The following CADPS2 variants were observed in gnomAD, a reference collection of about 807,000 sequenced individuals.
CADPS2 encodes calcium-dependent secretion activator 2.
Under a neutral mutation model 172.5 loss-of-function variants are expected in CADPS2, and 93 were observed. The observed-to-expected ratio is 0.54, with a 90% CI of 0.46 to 0.64. The LOEUF is 0.64. CADPS2 is among the 30% of genes least tolerant of loss of function. The pLI is 0.00. For missense variants in CADPS2, 1,420 were observed against 1,565.9 expected (o/e 0.91, Z 1.57); for synonymous variants, 546 against 555.2 (o/e 0.98, Z 0.23).
intron 2 of CADPS2, among the ~76,000 whole-genome samples, chr7:122,669,648 C>A (rs2081578697): frequency 1.3e-5 from 2 of 151,852 alleles, no homozygotes; most frequent in East Asian, 3.9e-4. Context: ...CAACGAAAGG[C>A]CCACAATCAT....
intron 2 of CADPS2, among the ~76,000 whole-genome samples, chr7:122,726,376 T>C (rs955919704): frequency 3.3e-5 from 5 of 152,024 alleles, no homozygotes; most frequent in African/African-American, 1.2e-4. Context: ...ACGTTACTTG[T>C]TTAATGTTCC....
intron 8 of CADPS2, among the ~76,000 whole-genome samples, chr7:122,552,666 C>T (rs2064450949): frequency 6.6e-6 from 1 of 152,034 alleles, no homozygotes; most frequent in Admixed American, 6.6e-5. Context: ...CTGCCCTATG[C>T]ATGTTCAGTC....
Position 122,428,084 on chromosome 7 carries a change from T to C in CADPS2, c.2476+10257A>G, listed in dbSNP as rs142896103. On this transcript the variant is annotated intron_variant, in intron 17 of 29. Transcript: ENST00000449022. The stretch of plus-strand genomic sequence containing the variant: ...TAATATTTTTTAGCTAGTGGATTGA[T>C]GGAGTGGAGCAGTGGTTCTCAATGT... 2.4e-3 allele frequency among the ~76,000 whole-genome samples: 363 copies of C among 152,276 alleles called. 2 individuals are homozygous for C. Among genetic ancestry groups the C allele is most frequent in the African/African-American group, 8.4e-3 (347 of 41,554 alleles).
At chr7:122,536,719 T>C (rs2062322915) in intron 8 of CADPS2, among the ~76,000 whole-genome samples, 1 of 152,030 alleles carries the variant, frequency 6.6e-6, no homozygotes, top group Admixed American at 6.6e-5. Flanking sequence ...TAAAGGATTC[T>C]TTTAGCAGTT....
chr7:122,465,883 T>C (rs1194277276), intron 14 of CADPS2, among the ~76,000 whole-genome samples: 1 of 152,152 alleles, frequency 6.6e-6, no homozygotes, highest in East Asian at 1.9e-4. Context: ...GCCAATTTTG[T>C]ACGTCAACAT....
chr7:122,758,395 TAA>T (rs1026231938), intron 1 of CADPS2, among the ~76,000 whole-genome samples: 1 of 152,162 alleles, frequency 6.6e-6, no homozygotes, highest in Non-Finnish European at 1.5e-5. Flanking sequence ...AAGGTTCTTA[TAA>T]ACATCGCGTA....
intron 24 of CADPS2, chr7:122,386,411 C>A: frequency 1.5e-6 from 1 of 651,930 alleles, no homozygotes; most frequent in Non-Finnish European, 2.4e-6. Flanking sequence ...AAAAAGGCAA[C>A]AAAATCAACT....
intron 6 of CADPS2, among the ~76,000 whole-genome samples, chr7:122,604,742 C>CA (rs1353775461): frequency 2.6e-5 from 4 of 151,996 alleles, no homozygotes; most frequent in Non-Finnish European, 5.9e-5. Flanking sequence ...TAAAGAGTTA[C>CA]AAAAAATATA....
chr7:122,646,378 G>T (rs1463812528), intron 3 of CADPS2, among the ~76,000 whole-genome samples: 1 of 152,062 alleles, frequency 6.6e-6, no homozygotes, highest in East Asian at 1.9e-4. Flanking sequence ...AATATGACAG[G>T]CTTTTGGGTT....
intron 2 of CADPS2, among the ~76,000 whole-genome samples, chr7:122,711,825 G>A (rs1369726764): frequency 6.6e-6 from 1 of 151,826 alleles, no homozygotes. Context: ...GCTAATTTTT[G>A]TATTTTTAGT....
At chr7:122,424,545 G>A (rs939715146) in intron 17 of CADPS2, 1 of 152,338 alleles carries the variant, frequency 6.6e-6, no homozygotes, top group Non-Finnish European at 1.5e-5. Context: ...ACTATCTTGG[G>A]GTGGAATATT....
chr7:122,676,912 GC>G, intron 2 of CADPS2: 1 of 446,618 alleles, frequency 2.2e-6, no homozygotes, highest in Non-Finnish European at 4.0e-6. Flanking sequence ...TTTGTGCCAG[GC>G]TTTTTATCCA....
intron 10 of CADPS2, among the ~76,000 whole-genome samples, chr7:122,491,100 G>A (rs528827088): frequency 2.0e-5 from 3 of 151,872 alleles, no homozygotes; most frequent in Admixed American, 6.6e-5. Context: ...TCAATCCTGC[G>A]CTAAAATAAT....
chr7:122,490,786 C>A (rs1712925777), intron 10 of CADPS2, among the ~76,000 whole-genome samples: 1 of 151,820 alleles, frequency 6.6e-6, no homozygotes, highest in South Asian at 2.1e-4. Context: ...CTCTATTCAC[C>A]AATATTTAAT....
intron 2 of CADPS2, among the ~76,000 whole-genome samples, chr7:122,725,031 A>C (rs992809032): frequency 2.0e-5 from 3 of 152,100 alleles, no homozygotes; most frequent in Non-Finnish European, 4.4e-5. Flanking sequence ...TTAAAAAGGG[A>C]TTTAAGAGTA....
In CADPS2 at chr7:122,441,585, CA is replaced by C; in HGVS notation, c.2289-11del. The C allele has an allele frequency of 6.6e-7, 1 of 1,515,734 alleles. No individual in the cohort carries two copies. The highest frequency in any genetic ancestry group is 8.8e-7 in the Non-Finnish European group (1 of 1,130,204). The allele number at this position is 1,515,734 out of a possible 1,614,324, so 93.9% of individuals were successfully genotyped here. On this transcript the variant is annotated splice_polypyrimidine_tract_variant and intron_variant, in intron 15 of 29. Coordinates refer to ENST00000449022, the MANE Select transcript of CADPS2 (RefSeq NM_017954.11). Reference sequence around the variant, plus strand: ...AAAGGGAAAACAGTATCTTTAAAAACAAAAGAAAGAACAAAAGAGTCAAACA... The same window carrying C: ...AAAGGGAAAACAGTATCTTTAAAAACAAAGAAAGAACAAAAGAGTCAAACA...
chr7:122,527,746 C>CTGTT (rs774142748), intron 8 of CADPS2, among the ~76,000 whole-genome samples: 7 of 151,806 alleles, frequency 4.6e-5, no homozygotes, highest in Non-Finnish European at 1.0e-4. Flanking sequence ...AGAGGACAGG[C>CTGTT]TGTTCCATGA....
At chr7:122,705,636 T>C (rs1429026577) in intron 2 of CADPS2, among the ~76,000 whole-genome samples, 2 of 94,474 alleles carry the variant, frequency 2.1e-5, no homozygotes, top group Non-Finnish European at 3.9e-5. Context: ...ATATATGATA[T>C]ATAATATATT....
chr7:122,480,858 C>T lies in CADPS2; in HGVS notation c.1855G>A (p.Gly619Ser), dbSNP rs776106926. 1.3e-6 allele frequency: 2 copies of T among 1,518,392 alleles called. No homozygotes were observed. The highest frequency in any genetic ancestry group is 4.0e-5 in the Admixed American group (2 of 49,588). The allele number at this position is 1,518,392 out of a possible 1,614,324, so 94.1% of individuals were successfully genotyped here. ...GTLHADAQLSGKDADRFQKHG... is the reference protein window; with the variant it reads ...GTLHADAQLSSKDADRFQKHG... Reference sequence around the variant, plus strand: ...AAATCATGAAAATACTTACCTTTACCAGCTACAGGTCAGCAAAGAAATGAG... The same window carrying T: ...AAATCATGAAAATACTTACCTTTACTAGCTACAGGTCAGCAAAGAAATGAG... The change falls in exon 12 of 30, where the codon GGT becomes AGT. Residue 619 changes from glycine (G) to serine (S), a missense_variant and splice_region_variant. Coordinates refer to ENST00000449022, the MANE Select transcript of CADPS2 (RefSeq NM_017954.11).
Sources: allele counts gnomAD v4.1 joint callset (sites outside exome capture counted in the v4.1 genomes callset), GRCh38; gene constraint gnomAD v4.1.1; transcripts MANE v1.5; gene names NCBI Gene and HGNC (gene_info 2026-07-23, HGNC 2026-07-21).